The following FBXW8 variants were observed in gnomAD, a reference collection of about 807,000 sequenced individuals.
The protein encoded by FBXW8 is F-box and WD repeat domain containing 8.
FBXW8 carries 57 observed loss-of-function variants against 65.3 expected under a neutral mutation model. That is an observed-to-expected ratio of 0.87 (90% CI 0.71 to 1.09). FBXW8 has a LOEUF of 1.09. FBXW8 is among the 50% of genes least tolerant of loss of function. The pLI is 0.00. For missense variants in FBXW8, 777 were observed against 814.8 expected (o/e 0.95, Z 0.57); for synonymous variants, 308 against 330.2 (o/e 0.93, Z 0.73).
intron 1 of FBXW8, among the ~76,000 whole-genome samples, chr12:116,912,451 C>CTTTTTTT (rs34430069): frequency 1.2e-4 from 10 of 86,482 alleles, no homozygotes; most frequent in African/African-American, 3.5e-4. Context: ...GAGAATCATT[C>CTTTTTTT]TTTTTTTTTT....
intron 5 of FBXW8, among the ~76,000 whole-genome samples, chr12:116,969,436 T>C (rs1884522780): frequency 6.6e-6 from 1 of 152,226 alleles, no homozygotes; most frequent in Non-Finnish European, 1.5e-5. Flanking sequence ...CTATGATATT[T>C]ACACTAACAT....
At chr12:116,963,556 A>G (rs955367574) in intron 4 of FBXW8, among the ~76,000 whole-genome samples, 2 of 152,218 alleles carry the variant, frequency 1.3e-5, no homozygotes, top group Admixed American at 1.3e-4. Flanking sequence ...GTGAGCCGAA[A>G]TTGTGCCACT....
intron 2 of FBXW8, among the ~76,000 whole-genome samples, chr12:116,938,506 A>G (rs1488767278): frequency 2.0e-5 from 3 of 152,164 alleles, no homozygotes; most frequent in Non-Finnish European, 2.9e-5. Context: ...CAAATTTCAG[A>G]TTGTGTTATT....
chr12:117,027,306 C>T lies in FBXW8; in HGVS notation c.1542-88C>T, dbSNP rs1211675779. On this transcript the variant is annotated intron_variant, in intron 9 of 10. Coordinates refer to ENST00000652555, the MANE Select transcript of FBXW8 (RefSeq NM_153348.3). ...AGCTTAGCTTTATGGGTTCTAGAAT[C>T]CCCTGCAGCTCTGAACTCCCAGGCC... 9.5e-6 allele frequency: 9 copies of T among 951,772 alleles called. No homozygotes were observed. The African/African-American group carries it at 9.6e-5, about 10-fold the overall frequency. The allele number at this position is 951,772 out of a possible 1,614,324, so 59.0% of individuals were successfully genotyped here. A position where few individuals can be genotyped will look rare whatever the true frequency, so the allele number is the denominator to read the frequency against.
chr12:116,995,604 A>G (rs979322976), intron 7 of FBXW8, among the ~76,000 whole-genome samples: 1 of 152,304 alleles, frequency 6.6e-6, no homozygotes, highest in East Asian at 1.9e-4. Context: ...AGCTGTATGT[A>G]GGAAGAAGGG....
At chr12:116,979,788 A>AC (rs1157979342) in intron 5 of FBXW8, among the ~76,000 whole-genome samples, 6 of 151,854 alleles carry the variant, frequency 4.0e-5, no homozygotes, top group Non-Finnish European at 8.8e-5. Flanking sequence ...AAAAAAAAAA[A>AC]AAAAAAAACA....
intron 4 of FBXW8, among the ~76,000 whole-genome samples, chr12:116,954,437 C>T (rs924410317): frequency 6.6e-6 from 1 of 152,058 alleles, no homozygotes; most frequent in African/African-American, 2.4e-5. Flanking sequence ...TATTTATTCC[C>T]CTAATAGTGG....
At chr12:117,000,862 G>C (rs1228651299) in intron 7 of FBXW8, among the ~76,000 whole-genome samples, 1 of 152,186 alleles carries the variant, frequency 6.6e-6, no homozygotes, top group African/African-American at 2.4e-5. Context: ...TAACTATTTT[G>C]GTAGGACAGG....
At chr12:116,969,373 C>G (rs2137400752) in intron 5 of FBXW8, among the ~76,000 whole-genome samples, 1 of 152,288 alleles carries the variant, frequency 6.6e-6, no homozygotes, top group African/African-American at 2.4e-5. Flanking sequence ...TATTCTTTCC[C>G]CAGACGTCAG....
intron 5 of FBXW8, among the ~76,000 whole-genome samples, chr12:116,966,758 A>G (rs866170512): frequency 6.6e-6 from 1 of 151,960 alleles, no homozygotes; most frequent in African/African-American, 2.4e-5. Flanking sequence ...TGTGCCACCC[A>G]GGCTGGAGTG....
At chr12:117,019,523 A>G (rs1478691385) in intron 8 of FBXW8, among the ~76,000 whole-genome samples, 1 of 152,230 alleles carries the variant, frequency 6.6e-6, no homozygotes, top group African/African-American at 2.4e-5. Flanking sequence ...ATGGCCTAGC[A>G]GGAAGAAGAA....
chr12:116,994,447 A>G (rs1204036721), intron 7 of FBXW8, among the ~76,000 whole-genome samples: 1 of 152,214 alleles, frequency 6.6e-6, no homozygotes, highest in Admixed American at 6.5e-5. Flanking sequence ...GATAGGAAGG[A>G]AGGGTATGTG....
rs894415611 is a variant in FBXW8, at chr12:117,031,119, G to A, written c.*2947G>A. The A allele has an allele frequency of 5.3e-5, 8 of 152,202 alleles. No individual in the cohort carries two copies. Among genetic ancestry groups the A allele is most frequent in the Non-Finnish European group, 1.0e-4 (7 of 68,042 alleles). 9.4% of individuals were successfully genotyped at this position (152,202 alleles called of 1,614,324 possible). A position where few individuals can be genotyped will look rare whatever the true frequency, so the allele number is the denominator to read the frequency against. On this transcript the variant is annotated 3_prime_UTR_variant, in exon 11 of 11. Transcript: ENST00000652555. ...TGCTTTCTGCTTTATGATGTCCGTA[G>A]TTGTTCTAATATTAAATGCTTTGAA...
At chr12:116,945,564 T>C (rs763943790) in intron 3 of FBXW8, 36 bp downstream of exon 3, 5 of 1,590,922 alleles carry the variant, frequency 3.1e-6, no homozygotes, top group Admixed American at 1.7e-5. Context: ...TGTGAAAGAA[T>C]AGCCTGCAAG....
intron 2 of FBXW8, among the ~76,000 whole-genome samples, chr12:116,940,196 G>C (rs570072092): frequency 6.6e-6 from 1 of 152,136 alleles, no homozygotes; most frequent in African/African-American, 2.4e-5. Flanking sequence ...AGCCTGGGGG[G>C]TGGGCTCCAG....
rs80100705 is a variant in FBXW8, at chr12:117,027,438, C to T, written c.1586C>T (p.Thr529Met). Residue 529 changes from threonine (T) to methionine (M), a missense_variant, in exon 10 of 11, where the codon ACG (threonine) becomes ATG (methionine). Transcript: ENST00000652555. ...HISFSSHSLI[T>M]ANVPYQTVMR... ...TCATTCAGCAGCCACAGCCTCATCA[C>T]GGCCAACGTGCCTTACCAGACGGTA... The T allele has an allele frequency of 5.0e-6, 8 of 1,614,074 alleles. No individual in the cohort carries two copies. The highest frequency in any genetic ancestry group is 4.0e-5 in the African/African-American group (3 of 74,932).
chr12:116,930,938 G>C (rs1282572578), intron 2 of FBXW8, among the ~76,000 whole-genome samples: 1 of 152,174 alleles, frequency 6.6e-6, no homozygotes, highest in African/African-American at 2.4e-5. Context: ...CTCCCGAGTA[G>C]CTGGGACTAT....
chr12:116,964,592 C>T, intron 4 of FBXW8, 105 bp from the exon 5 acceptor site: 1 of 1,379,454 alleles, frequency 7.2e-7, no homozygotes. Flanking sequence ...GGCTCTACAC[C>T]ACCCGATTCT....
rs989433789 is a variant in FBXW8 at position 117,027,625 on chromosome 12, T to G, written c.1652+121T>G. 25 of 778,882 alleles carry G rather than the reference T, an allele frequency of 3.2e-5. No homozygotes were observed. In the South Asian group the frequency reaches 3.7e-4, roughly 12 times the overall value. 48.2% of individuals were successfully genotyped at this position (778,882 alleles called of 1,614,324 possible). A position where few individuals can be genotyped will look rare whatever the true frequency, so the allele number is the denominator to read the frequency against. ...TATACCCTCAGGCAGGGCCCTGCCT[T>G]TCTGCGAATTGGAAACATAAACGTG... On this transcript the variant is annotated intron_variant, in intron 10 of 10. Transcript: ENST00000652555.
Sources: allele counts gnomAD v4.1 joint callset (sites outside exome capture counted in the v4.1 genomes callset), GRCh38; gene constraint gnomAD v4.1.1; transcripts MANE v1.5; gene names NCBI Gene and HGNC (gene_info 2026-07-23, HGNC 2026-07-21).